The following PDE11A variants were observed in gnomAD, a reference collection of about 807,000 sequenced individuals.
PDE11A encodes phosphodiesterase 11A.
A neutral mutation model predicts 100.5 loss-of-function variants in PDE11A; 100 were observed. The observed-to-expected ratio is 1.00, with a 90% CI of 0.85 to 1.18. The LOEUF is 1.18. Among genes scored for constraint, PDE11A ranks in the 50% most tolerant of loss-of-function variants. The pLI, the probability that PDE11A is intolerant of heterozygous loss-of-function variation, is 0.00. For synonymous variants in PDE11A, 381 were observed against 420.8 expected (o/e 0.91, Z 1.16); for missense variants, 1,141 against 1,152.6 (o/e 0.99, Z 0.15).
At chr2:177,811,299 A>C (rs1332559513) in intron 9 of PDE11A, among the ~76,000 whole-genome samples, 1 of 152,070 alleles carries the variant, frequency 6.6e-6, no homozygotes, top group Non-Finnish European at 1.5e-5. Context: ...CATGAAATTA[A>C]AGTTATTAAA....
chr2:177,712,091 G>C (rs772453462), intron 12 of PDE11A, among the ~76,000 whole-genome samples: 1 of 152,202 alleles, frequency 6.6e-6, no homozygotes, highest in Non-Finnish European at 1.5e-5. Context: ...AGCAGCCCAC[G>C]CTGCCACACT....
At chr2:177,939,523 G>A (rs1339346626) in intron 2 of PDE11A, among the ~76,000 whole-genome samples, 2 of 112,964 alleles carry the variant, frequency 1.8e-5, no homozygotes, top group African/African-American at 6.8e-5. Context: ...AGGGAAGGGA[G>A]GGAGGGAGGA....
At chr2:177,947,532 G>T (rs911277292) in intron 2 of PDE11A, among the ~76,000 whole-genome samples, 1 of 152,242 alleles carries the variant, frequency 6.6e-6, no homozygotes, top group Admixed American at 6.5e-5. Flanking sequence ...TAAGGGCGGT[G>T]CAAGATGTGC....
chr2:177,963,288 C>T (rs2085658398), intron 2 of PDE11A, among the ~76,000 whole-genome samples: 1 of 152,046 alleles, frequency 6.6e-6, no homozygotes, highest in African/African-American at 2.4e-5. Flanking sequence ...ATACGGATTC[C>T]AGAGGAAACA....
chr2:178,027,982 C>T (rs2086498366), intron 1 of PDE11A, among the ~76,000 whole-genome samples: 2 of 152,102 alleles, frequency 1.3e-5, no homozygotes, highest in Admixed American at 1.3e-4. Context: ...TTGCTGTGAA[C>T]AAGTCCTCCA....
intron 12 of PDE11A, among the ~76,000 whole-genome samples, chr2:177,724,492 G>T (rs1410164704): frequency 6.6e-6 from 1 of 152,098 alleles, no homozygotes; most frequent in African/African-American, 2.4e-5. Context: ...TGCTTGTCCT[G>T]TTGTACGTGG....
intron 12 of PDE11A, among the ~76,000 whole-genome samples, chr2:177,721,850 G>T (rs528578615): frequency 6.6e-6 from 1 of 152,102 alleles, no homozygotes; most frequent in Non-Finnish European, 1.5e-5. Context: ...CTTCTTCAAA[G>T]CTCAAATTTT....
chr2:177,709,864 C>T (rs1052604074), intron 13 of PDE11A, among the ~76,000 whole-genome samples: 1 of 152,054 alleles, frequency 6.6e-6, no homozygotes, highest in African/African-American at 2.4e-5. Context: ...AAAAGGGGGC[C>T]ACGGGTGTCA....
intron 19 of PDE11A, among the ~76,000 whole-genome samples, chr2:177,647,182 T>C (rs1267091866): frequency 6.6e-6 from 1 of 152,212 alleles, no homozygotes; most frequent in Admixed American, 6.5e-5. Flanking sequence ...TGAAATTTCA[T>C]AGAAATATAT....
intron 5 of PDE11A, among the ~76,000 whole-genome samples, chr2:177,872,372 A>T (rs2084151579): frequency 1.3e-5 from 2 of 152,216 alleles, no homozygotes; most frequent in Admixed American, 1.3e-4. Flanking sequence ...ACCCTGGAAG[A>T]GGAGCACACT....
chr2:177,681,102 A>G (rs2080855565), intron 15 of PDE11A, among the ~76,000 whole-genome samples, 199 bp from the exon 16 acceptor site: 1 of 152,236 alleles, frequency 6.6e-6, no homozygotes, highest in South Asian at 2.1e-4. Flanking sequence ...AGGAAAAGCC[A>G]CAATCATTTC....
Position 178,071,506 on chromosome 2 carries a change from G to A in PDE11A, c.912+20C>T, listed in dbSNP as rs761638470. 1.9e-6 allele frequency: 3 copies of A among 1,613,094 alleles called. No individual in the cohort carries two copies. The Admixed American group carries it at 5.0e-5, about 27-fold the overall frequency. ...CAAGCCAATGGGGCTCTGGGAGAAG[G>A]GGACAATGCAAAGTCCTACCTGGTA... On this transcript the variant is annotated intron_variant, in intron 1 of 19. Coordinates refer to ENST00000286063, the MANE Select transcript of PDE11A (RefSeq NM_016953.4).
At chr2:177,713,032 A>T (rs572321468) in intron 12 of PDE11A, among the ~76,000 whole-genome samples, 43 of 151,622 alleles carry the variant, frequency 2.8e-4, no homozygotes, top group African/African-American at 1.0e-3. Flanking sequence ...TTTTTAGGAG[A>T]CAGTCTTGTT....
Position 178,063,630 on chromosome 2 carries a change from T to A in PDE11A, c.912+7896A>T, listed in dbSNP as rs564372348. ...GGCAAACTATGGGCTATAGGAGTGG[T>A]CTTTAGTTGTTGGGTACCTGGCCCT... is the stretch of plus-strand genomic sequence containing the variant. On this transcript the variant is annotated intron_variant, in intron 1 of 19. Transcript: ENST00000286063. Among the ~76,000 whole-genome samples, 7 of 152,232 alleles carry A rather than the reference T, an allele frequency of 4.6e-5. No homozygotes were observed. The South Asian group carries it at 1.5e-3, about 32-fold the overall frequency.
At chr2:177,897,344 C>T (rs1010738085) in intron 4 of PDE11A, among the ~76,000 whole-genome samples, 4 of 152,186 alleles carry the variant, frequency 2.6e-5, no homozygotes, top group Admixed American at 1.3e-4. Context: ...AGAAAGCTGG[C>T]CACAAATTGC....
intron 2 of PDE11A, among the ~76,000 whole-genome samples, chr2:178,103,125 G>A (rs1034406995): frequency 2.0e-5 from 3 of 152,160 alleles, no homozygotes; most frequent in Non-Finnish European, 4.4e-5. Flanking sequence ...ACCACCTGTT[G>A]TATTCCAGGT....
In PDE11A at chr2:177,842,912, G is replaced by T. The variant is rs530989017; in HGVS notation, c.1368-2529C>A. Among the ~76,000 whole-genome samples, 26 of 152,270 alleles carry T rather than the reference G, an allele frequency of 1.7e-4. No individual in the cohort carries two copies. In the South Asian group the frequency reaches 5.4e-3, roughly 32 times the overall value. Reference sequence around the variant, plus strand: ...GGAACAAAATCCTATCAGTCCTCAGGACTGAAAACTCTAATCCAGAGTTAG... The same window carrying T: ...GGAACAAAATCCTATCAGTCCTCAGTACTGAAAACTCTAATCCAGAGTTAG... On this transcript the variant is annotated intron_variant, in intron 5 of 19. Transcript: ENST00000286063.
At chr2:177,675,408 C>A (rs756136967) in intron 17 of PDE11A, 47 bp downstream of exon 17, 4 of 1,357,678 alleles carry the variant, frequency 2.9e-6, no homozygotes, top group South Asian at 2.3e-5. Context: ...CCCCCTTACG[C>A]CCCCCAGTCC....
intron 16 of PDE11A, among the ~76,000 whole-genome samples, chr2:177,680,440 A>G (rs1415902209): frequency 1.3e-5 from 2 of 152,106 alleles, no homozygotes; most frequent in Non-Finnish European, 2.9e-5. Context: ...CGCAATGCCT[A>G]TTGTCTCTAA....
Sources: allele counts gnomAD v4.1 joint callset (sites outside exome capture counted in the v4.1 genomes callset), GRCh38; gene constraint gnomAD v4.1.1; transcripts MANE v1.5; gene names NCBI Gene and HGNC (gene_info 2026-07-23, HGNC 2026-07-21).